SDR42E2: variants seen among roughly 807,000 people sequenced by gnomAD.
The protein encoded by SDR42E2 is putative short-chain dehydrogenase/reductase family 42E member 2.
SDR42E2 carries 20 observed loss-of-function variants against 10.5 expected under a neutral mutation model. The ratio of observed to expected loss-of-function variants is 1.90; its 90% CI spans 1.34 to 2.77. SDR42E2 has a LOEUF of 2.77. SDR42E2 is among the 30% of genes most tolerant of loss of function. The pLI is 0.00. For missense variants in SDR42E2, 162 were observed against 104.2 expected, an observed-to-expected ratio of 1.55 and a Z score of -2.42; for synonymous variants, 72 against 39.2, an observed-to-expected ratio of 1.84 and a Z score of -3.12.
intron 8 of SDR42E2, among the ~76,000 whole-genome samples, chr16:22,180,148 G>A (rs1057457422): frequency 6.6e-5 from 10 of 152,146 alleles, no homozygotes; most frequent in African/African-American, 2.4e-4. Flanking sequence ...GGGTTTGACA[G>A]CCATTGTCAG....
In SDR42E2 at chr16:22,166,243, ACAC is replaced by A. The variant is rs1407774322; in HGVS notation, c.56-4_56-2del. 2.5e-6 allele frequency: 1 copy of A among 403,112 alleles called. No individual in the cohort carries two copies. Among genetic ancestry groups the A allele is most frequent in the Admixed American group, 4.4e-5 (1 of 22,748 alleles). The allele number at this position is 403,112 out of a possible 1,614,324, so 25.0% of individuals were successfully genotyped here. The stretch of plus-strand genomic sequence containing the variant: ...ACCCAGTGAGTCAACAACAACCCCA[ACAC>A]CAGCGCCGCAGCAGAAGACTCAAGC... On this transcript the variant is annotated splice_region_variant and splice_polypyrimidine_tract_variant and intron_variant, in intron 2 of 12. Transcript: ENST00000602312.
At position 22,181,501 on chromosome 16, in the gene SDR42E2, C is replaced by A; in HGVS notation, c.673-18C>A. 1 of 703,060 alleles carries A rather than the reference C, an allele frequency of 1.4e-6. No individual in the cohort carries two copies. Among genetic ancestry groups the A allele is most frequent in the Non-Finnish European group, 2.6e-6 (1 of 384,996 alleles). 43.6% of individuals were successfully genotyped at this position (703,060 alleles called of 1,614,324 possible). On this transcript the variant is annotated intron_variant, in intron 8 of 12. Transcript: ENST00000602312. The stretch of plus-strand genomic sequence containing the variant: ...ACACCGGACACAAGCCTGTTTATCA[C>A]CCACTCCTCTCCACCAGGGCCACAT...
intron 12 of SDR42E2, among the ~76,000 whole-genome samples, chr16:22,187,157 C>T (rs1212518523): frequency 6.6e-6 from 1 of 152,162 alleles, no homozygotes; most frequent in East Asian, 1.9e-4. Context: ...CACCAACTCT[C>T]AACACATACA....
chr16:22,178,677 G>T (rs916132910), intron 8 of SDR42E2, among the ~76,000 whole-genome samples: 2 of 152,218 alleles, frequency 1.3e-5, no homozygotes, highest in Admixed American at 1.3e-4. Flanking sequence ...TGTGGGGAGG[G>T]CTGTGGAGAG....
intron 12 of SDR42E2, among the ~76,000 whole-genome samples, chr16:22,188,882 T>A (rs1001413618): frequency 6.6e-6 from 1 of 152,128 alleles, no homozygotes; most frequent in Admixed American, 6.6e-5. Flanking sequence ...CAAGAAGACA[T>A]AGTCCTTGCC....
At chr16:22,176,366 G>A (rs1347706578) in intron 7 of SDR42E2, among the ~76,000 whole-genome samples, 2 of 152,278 alleles carry the variant, frequency 1.3e-5, no homozygotes, top group East Asian at 3.9e-4. Context: ...ACAAAGAAAT[G>A]TATTAATAGA....
chr16:22,190,347 A>G lies in SDR42E2; in HGVS notation c.1223A>G (p.His408Arg), dbSNP rs866225206. 5.0e-5 allele frequency: 20 copies of G among 401,618 alleles called. No homozygotes were observed. The Middle Eastern group carries it at 2.6e-3, about 53-fold the overall frequency. The allele number at this position is 401,618 out of a possible 1,614,324, so 24.9% of individuals were successfully genotyped here. The change falls in exon 13 of 13, where the codon CAC (histidine) becomes CGC (arginine). Residue 408 changes from histidine (H) to arginine (R), a missense_variant. His to Arg is a conservative substitution (Grantham distance 29, BLOSUM62 0). Transcript: ENST00000602312. ...LFLGLLALAL[H>R]FLGLQPLHAA... ...CTCGGCTTGCTCGCCCTGGCCCTGC[A>G]CTTCCTAGGCCTGCAGCCTCTGCAC...
At chr16:22,186,851 C>A (rs938812559) in intron 12 of SDR42E2, 57 bp downstream of exon 12, 104 of 399,652 alleles carry the variant, frequency 2.6e-4, no homozygotes, top group Admixed American at 1.6e-3. Flanking sequence ...CCCTTCCTAC[C>A]TCTCCCCACC....
chr16:22,184,064 G>T (rs1467709657), intron 10 of SDR42E2, 117 bp from the exon 11 acceptor site: 1 of 396,778 alleles, frequency 2.5e-6, no homozygotes, highest in Non-Finnish European at 4.4e-6. Context: ...GCCCCCTGGG[G>T]TGGGTTGGTG....
Position 22,186,600 on chromosome 16 carries a change from G to A in SDR42E2, c.941-121G>A, listed in dbSNP as rs2046738175. ...GGCTGCTGATTTAAAGGAATCCAGT[G>A]ACTTCTGCAAAGTGACCTCTAGCAA... is the stretch of plus-strand genomic sequence containing the variant. On this transcript the variant is annotated intron_variant, in intron 11 of 12. Transcript: ENST00000602312. The A allele has an allele frequency of 1.0e-5, 4 of 400,388 alleles. No individual in the cohort carries two copies. In the Middle Eastern group the frequency reaches 1.2e-3, roughly 124 times the overall value. 24.8% of individuals were successfully genotyped at this position (400,388 alleles called of 1,614,324 possible).
rs2046763023 is a variant in SDR42E2 at position 22,190,249 on chromosome 16, GTCCACGACCCGGCGGCCCCGCGGC to G, written c.1132_1155del (p.Thr378_Thr385del). 2 of 401,348 alleles carry G rather than the reference GTCCACGACCCGGCGGCCCCGCGGC, an allele frequency of 5.0e-6. No homozygotes were observed. Among genetic ancestry groups the G allele is most frequent in the Non-Finnish European group, 4.4e-6 (1 of 226,266 alleles). 24.9% of individuals were successfully genotyped at this position (401,348 alleles called of 1,614,324 possible). ...CCGACGCCGTGGAGCTATACGTGCA[GTCCACGACCCGGCGGCCCCGCGGC>G]TCCACGGCGCGGACCCTCCTGCGCC... On this transcript the variant is annotated inframe_deletion, in exon 13 of 13. Coordinates refer to ENST00000602312, the MANE Select transcript of SDR42E2 (RefSeq NM_001394319.2).
chr16:22,179,569 T>G (rs956284353), intron 8 of SDR42E2, among the ~76,000 whole-genome samples: 37 of 152,058 alleles, frequency 2.4e-4, no homozygotes, highest in Non-Finnish European at 4.6e-4. Flanking sequence ...CCCAGCACTT[T>G]GGGAGGCCGA....
At chr16:22,189,818 G>T (rs2142085592) in intron 12 of SDR42E2, among the ~76,000 whole-genome samples, 1 of 152,298 alleles carries the variant, frequency 6.6e-6, no homozygotes, top group South Asian at 2.1e-4. Flanking sequence ...TCCCAGCACC[G>T]TGCTAGGCCG....
intron 12 of SDR42E2, among the ~76,000 whole-genome samples, chr16:22,189,539 T>C (rs1418164362): frequency 1.3e-5 from 2 of 152,224 alleles, no homozygotes; most frequent in Admixed American, 6.5e-5. Flanking sequence ...CTATCATTAC[T>C]ACCCTTCAAA....
intron 9 of SDR42E2, 142 bp from the exon 10 acceptor site, chr16:22,182,070 A>G (rs1039176834): frequency 1.6e-5 from 7 of 429,178 alleles, no homozygotes; most frequent in African/African-American, 1.2e-4. Context: ...TGGAATTCAC[A>G]GGGAATAGTT....
chr16:22,190,297 CCTGCTGCTCAGG>C lies in SDR42E2; in HGVS notation c.1182_1193del (p.Arg395_Leu398del), dbSNP rs1567247587. On this transcript the variant is annotated inframe_deletion, in exon 13 of 13. Transcript: ENST00000602312. ...GCTCCACGGCGCGGACCCTCCTGCG[CCTGCTGCTCAGG>C]CTGCTGCTGTTCCTCGGCTTGCTCG... 2.5e-6 allele frequency: 1 copy of C among 402,116 alleles called. No individual in the cohort carries two copies. Among genetic ancestry groups the C allele is most frequent in the African/African-American group, 2.1e-5 (1 of 48,700 alleles). The allele number at this position is 402,116 out of a possible 1,614,324, so 24.9% of individuals were successfully genotyped here.
intron 7 of SDR42E2, 57 bp downstream of exon 7, chr16:22,172,388 CA>C (rs1209361063): frequency 1.4e-6 from 1 of 703,128 alleles, no homozygotes; most frequent in Admixed American, 2.0e-5. Flanking sequence ...CTGCCTCCTC[CA>C]AAATACATGT....
At chr16:22,170,488 T>TAG (rs1230926467) in intron 5 of SDR42E2, among the ~76,000 whole-genome samples, 1 of 152,164 alleles carries the variant, frequency 6.6e-6, no homozygotes, top group East Asian at 1.9e-4. Flanking sequence ...TAGAGTGTCT[T>TAG]TTTCTAAGTC....
chr16:22,171,227 G>GTT, intron 6 of SDR42E2, among the ~76,000 whole-genome samples: 1 of 151,220 alleles, frequency 6.6e-6, no homozygotes, highest in African/African-American at 2.4e-5. Flanking sequence ...CTTTGAGCCT[G>GTT]TTTTTTTTTC....
Sources: gnomAD v4.1 joint callset for allele counts (sites outside exome capture counted in the v4.1 genomes callset) on GRCh38, gnomAD v4.1.1 for gene constraint, MANE v1.5 for transcripts, NCBI Gene and HGNC (gene_info 2026-07-23, HGNC 2026-07-21) for gene names.